The following DNTTIP2 variants were observed in gnomAD, a reference collection of about 807,000 sequenced individuals.
DNTTIP2 encodes the protein deoxynucleotidyltransferase terminal-interacting protein 2.
A neutral mutation model predicts 62.4 loss-of-function variants in DNTTIP2; 47 were observed. That is an observed-to-expected ratio of 0.75 (90% CI 0.60 to 0.96). The LOEUF (loss-of-function observed/expected upper bound fraction) is 0.96, where lower values mean the gene tolerates loss of function less well. Ranked by LOEUF, DNTTIP2 falls within the 40% of genes least tolerant of loss-of-function variation. The pLI is 0.00. For missense variants in DNTTIP2, 870 were observed against 849.1 expected, an observed-to-expected ratio of 1.02 and a Z score of -0.31; for synonymous variants, 322 against 300.9, an observed-to-expected ratio of 1.07 and a Z score of -0.73.
At chr1:93,872,463 C>T (rs924473927) in intron 4 of DNTTIP2, among the ~76,000 whole-genome samples, 8 of 152,252 alleles carry the variant, frequency 5.3e-5, no homozygotes, top group African/African-American at 1.7e-4. Context: ...ATGAGGGCTC[C>T]GTAAAATCTA....
At chr1:93,875,942 C>A (rs1034910266) in intron 2 of DNTTIP2, among the ~76,000 whole-genome samples, 159 bp from the exon 3 acceptor site, 1 of 151,210 alleles carries the variant, frequency 6.6e-6, no homozygotes, top group Non-Finnish European at 1.5e-5. Flanking sequence ...TGAAAAAAAA[C>A]TCTAAATAAA....
rs1656054206 is a variant in DNTTIP2, at chr1:93,877,825, C to T, written c.110G>A (p.Ser37Asn). 1 of 1,603,976 alleles carries T rather than the reference C, an allele frequency of 6.2e-7. No individual in the cohort carries two copies. Among genetic ancestry groups the T allele is most frequent in the East Asian group, 2.2e-5 (1 of 44,878 alleles). The change falls in exon 2 of 7, where the codon AGT becomes AAT. Residue 37 changes from serine to asparagine, a missense_variant. By Grantham distance (46) the Ser-to-Asn change is conservative. Transcript: ENST00000436063. Reference protein sequence around the residue: ...AANGIQAHPESSTGSDARTTA... With the variant: ...AANGIQAHPENSTGSDARTTA... ...AGTTCGGGCATCAGATCCAGTACTA[C>T]TTTCTGGATGCGCTTGAATCCCATT...
rs1232294305 is a variant in DNTTIP2 at position 93,875,721 on chromosome 1, T to C, written c.1730A>G (p.Tyr577Cys). 5 of 1,613,396 alleles carry C rather than the reference T, an allele frequency of 3.1e-6. No homozygotes were observed. The highest frequency in any genetic ancestry group is 4.5e-5 in the East Asian group (2 of 44,860). The change falls in exon 3 of 7, where the codon TAT becomes TGT. Residue 577 changes from tyrosine (Y) to cysteine (C), a missense_variant. Coordinates refer to ENST00000436063, the MANE Select transcript of DNTTIP2 (RefSeq NM_014597.5). ...GLSIKQLGGL[Y>C]INFNADKLQS... ...TAGTTTATCTGCATTAAAATTAATA[T>C]ACAAACCACCCAACTGCTTGATACT...
rs1419901975 is a variant in DNTTIP2 at position 93,877,363 on chromosome 1, G to A, written c.572C>T (p.Ser191Leu). 2 of 1,613,780 alleles carry A rather than the reference G, an allele frequency of 1.2e-6. No individual in the cohort carries two copies. The highest frequency in any genetic ancestry group is 2.2e-5 in the East Asian group (1 of 44,888). ...EAISDAETSSSDISFSGIATR... is the reference protein window; with the variant it reads ...EAISDAETSSLDISFSGIATR... ...TGCAATTCCAGAGAATGAAATGTCT[G>A]AGCTTGATGTCTCAGCATCAGATAT... Residue 191 changes from serine to leucine, a missense_variant, in exon 2 of 7, where the codon TCA (serine) becomes TTA (leucine). By Grantham distance (145) the Ser-to-Leu change is moderately radical. Coordinates refer to ENST00000436063, the MANE Select transcript of DNTTIP2 (RefSeq NM_014597.5).
intron 3 of DNTTIP2, chr1:93,873,460 G>A: frequency 3.0e-6 from 1 of 333,474 alleles, no homozygotes; most frequent in Non-Finnish European, 5.6e-6. Context: ...AAATTAGTTG[G>A]GCATGGTGGC....
chr1:93,869,690 C>T lies in DNTTIP2; in HGVS notation c.*161G>A, dbSNP rs558873134. ...TTTAGACACCCCTATTTTCTAAGGG[C>T]ATGTAATCGATTCTCAAATCAACTT... On this transcript the variant is annotated 3_prime_UTR_variant, in exon 7 of 7. Transcript: ENST00000436063. 4.8e-4 allele frequency: 284 copies of T among 585,802 alleles called. No homozygotes were observed. Among genetic ancestry groups the T allele is most frequent in the Admixed American group, 7.3e-4 (24 of 32,786 alleles). 36.3% of individuals were successfully genotyped at this position (585,802 alleles called of 1,614,324 possible). A position where few individuals can be genotyped will look rare whatever the true frequency, so the allele number is the denominator to read the frequency against.
At chr1:93,873,271 A>C in intron 3 of DNTTIP2, 57 bp from the exon 4 acceptor site, 1 of 1,345,782 alleles carries the variant, frequency 7.4e-7, no homozygotes, top group East Asian at 2.4e-5. Flanking sequence ...TAAGTTTTTC[A>C]ACAGTTTAAA....
rs762655403 is a variant in DNTTIP2 at position 93,876,614 on chromosome 1, C to T, written c.1321G>A (p.Val441Ile). ...TCATCACTGCTGAGAACTAGTAAGA[C>T]AGAATTATCTTTACCCTGAGATGTG... is the stretch of plus-strand genomic sequence containing the variant. ...PNTSQGKDNS[V>I]LLVLSSDESQ... Residue 441 changes from valine to isoleucine, a missense_variant, in exon 2 of 7, where the codon GTC becomes ATC. Physicochemically the swap from Val to Ile is conservative, Grantham distance 29 (BLOSUM62 3). Transcript: ENST00000436063. The T allele has an allele frequency of 1.9e-6, 3 of 1,613,804 alleles. No homozygotes were observed. The highest frequency in any genetic ancestry group is 2.2e-5 in the East Asian group (1 of 44,882).
In DNTTIP2 at chr1:93,869,428, C is replaced by G. The variant is rs763252866; in HGVS notation, c.*423G>C. On this transcript the variant is annotated 3_prime_UTR_variant, in exon 7 of 7. Coordinates refer to ENST00000436063, the MANE Select transcript of DNTTIP2 (RefSeq NM_014597.5). Reference sequence around the variant, plus strand: ...TCTCTACCATCTCCCGTCCCCTACACAGACACACACACACATACACACATA... The same window carrying G: ...TCTCTACCATCTCCCGTCCCCTACAGAGACACACACACACATACACACATA... 9.5e-4 allele frequency: 147 copies of G among 155,140 alleles called. No individual in the cohort carries two copies. Among genetic ancestry groups the G allele is most frequent in the Non-Finnish European group, 1.7e-3 (122 of 70,094 alleles). The allele number at this position is 155,140 out of a possible 1,614,324, so 9.6% of individuals were successfully genotyped here.
At chr1:93,873,901 A>C (rs1655933489) in intron 3 of DNTTIP2, among the ~76,000 whole-genome samples, 1 of 152,258 alleles carries the variant, frequency 6.6e-6, no homozygotes, top group Non-Finnish European at 1.5e-5. Flanking sequence ...CAGGTTAATT[A>C]GTATTTTTCT....
chr1:93,870,865 T>C, intron 5 of DNTTIP2, 73 bp from the exon 6 acceptor site: 1 of 676,514 alleles, frequency 1.5e-6, no homozygotes, highest in South Asian at 3.2e-5. Context: ...TAGCTCTAAT[T>C]ATATTTAGAG....
intron 1 of DNTTIP2, 68 bp from the exon 2 acceptor site, chr1:93,877,930 T>C: frequency 6.7e-7 from 1 of 1,496,458 alleles, no homozygotes; most frequent in Non-Finnish European, 8.8e-7. Context: ...AATGAAATAC[T>C]GACCCCAAAA....
intron 1 of DNTTIP2, 63 bp downstream of exon 1, chr1:93,879,014 G>T (rs546041799): frequency 2.0e-5 from 32 of 1,593,248 alleles, no homozygotes; most frequent in Middle Eastern, 1.7e-4. Flanking sequence ...CCCTTGCGCC[G>T]CCCCGCCTGC....
rs774536689 is a variant in DNTTIP2, at chr1:93,877,104, T to C, written c.831A>G (p.Ile277Met). 7 of 1,611,500 alleles carry C rather than the reference T, an allele frequency of 4.3e-6. No individual in the cohort carries two copies. The African/African-American group carries it at 9.3e-5, about 22-fold the overall frequency. The change falls in exon 2 of 7, where the codon ATA (isoleucine) becomes ATG (methionine). Residue 277 changes from isoleucine (I) to methionine (M), a missense_variant. Coordinates refer to ENST00000436063, the MANE Select transcript of DNTTIP2 (RefSeq NM_014597.5). ...DDFSHRSSEN[I>M]LTVHEQANVE... The stretch of plus-strand genomic sequence containing the variant: ...CATTGGCCTGTTCGTGCACTGTTAA[T>C]ATATTTTCTGAACTTCTGTGGGAGA...
Position 93,876,661 on chromosome 1 carries a change from T to C in DNTTIP2, c.1274A>G (p.Lys425Arg). The C allele has an allele frequency of 6.2e-7, 1 of 1,614,044 alleles. No individual in the cohort carries two copies. The highest frequency in any genetic ancestry group is 8.5e-7 in the Non-Finnish European group (1 of 1,179,900). ...EGNVDFECDTKLYTSAPNTSQ... is the reference protein window; with the variant it reads ...EGNVDFECDTRLYTSAPNTSQ... The stretch of plus-strand genomic sequence containing the variant: ...TGTGTTGGGCGCAGACGTGTATAGT[T>C]TGGTATCACATTCAAAATCTACATT... Residue 425 changes from lysine (K) to arginine (R), a missense_variant, in exon 2 of 7, where the codon AAA (lysine) becomes AGA (arginine). Coordinates refer to ENST00000436063, the MANE Select transcript of DNTTIP2 (RefSeq NM_014597.5).
Position 93,869,941 on chromosome 1 carries a change from G to A in DNTTIP2, c.2181C>T (p.Tyr727=), listed in dbSNP as rs566295836. 1 of 777,220 alleles carries A rather than the reference G, an allele frequency of 1.3e-6. No individual in the cohort carries two copies. Among genetic ancestry groups the A allele is most frequent in the Non-Finnish European group, 2.4e-6 (1 of 416,638 alleles). The allele number at this position is 777,220 out of a possible 1,614,324, so 48.1% of individuals were successfully genotyped here. Residue 727 remains tyrosine, a synonymous_variant, in exon 7 of 7, where the codon TAC becomes TAT. Transcript: ENST00000436063. The stretch of plus-strand genomic sequence containing the variant: ...TGATCTCTGAGTACTTCCTTCGGTT[G>A]TATCTGAAAAAGAAAAATCAGAACT... ...ELLADSEFRR[Y]NRRKYSEIMA... is the part of the protein sequence containing the mutation.
rs1655913670 is a variant in DNTTIP2, at chr1:93,873,191, T to C, written c.1830A>G (p.Thr610=). The C allele has an allele frequency of 1.9e-6, 3 of 1,612,386 alleles. No homozygotes were observed. Among genetic ancestry groups the C allele is most frequent in the Non-Finnish European group, 2.5e-6 (3 of 1,179,124 alleles). The change falls in exon 4 of 7, where the codon ACA becomes ACG. Residue 610 remains threonine (T), a synonymous_variant. Transcript: ENST00000436063. ...CACAGTGGTTTTTTTCAAAATCAGG[T>C]GTAATGACGGCTTTCTGCAGAAGCT... The part of the protein sequence containing the change: ...KNELLQKAVI[T]PDFEKNHCVP...
chr1:93,877,410 G>A lies in DNTTIP2; in HGVS notation c.525C>T (p.Ser175=). 6.2e-7 allele frequency: 1 copy of A among 1,613,770 alleles called. No homozygotes were observed. The highest frequency in any genetic ancestry group is 1.1e-5 in the South Asian group (1 of 91,082). The change falls in exon 2 of 7, where the codon AGC becomes AGT. Residue 175 remains serine (S), a synonymous_variant. Transcript: ENST00000436063. ...RSKAKSLTDP[S]QESHTEAISD... ...ATATAGCTTCTGTATGAGATTCTTG[G>A]CTTGGATCTGTCAGAGATTTAGCCT... is the stretch of plus-strand genomic sequence containing the variant.
chr1:93,878,419 T>C (rs1656072193), intron 1 of DNTTIP2: 1 of 155,272 alleles, frequency 6.4e-6, no homozygotes, highest in African/African-American at 2.4e-5. Flanking sequence ...AAAATTTTTC[T>C]GTTTAAAGTC....
Sources: gnomAD v4.1 joint callset for allele counts (sites outside exome capture counted in the v4.1 genomes callset) on GRCh38, gnomAD v4.1.1 for gene constraint, MANE v1.5 for transcripts, NCBI Gene and HGNC (gene_info 2026-07-23, HGNC 2026-07-21) for gene names.